The following RARB variants were observed in gnomAD, a reference collection of about 807,000 sequenced individuals.
RARB encodes retinoic acid receptor beta, also known as HBV-activated protein.
Under a neutral mutation model 51.9 loss-of-function variants are expected in RARB, and 17 were observed. That is an observed-to-expected ratio of 0.33 (90% CI 0.22 to 0.49). RARB has a LOEUF of 0.49. Among genes scored for constraint, RARB ranks in the 20% least tolerant of loss-of-function variants. The pLI, the probability that RARB is intolerant of heterozygous loss-of-function variation, is 0.99. For synonymous variants in RARB, 215 were observed against 195.4 expected (o/e 1.10, Z -0.84); for missense variants, 369 against 550.8 (o/e 0.67, Z 3.30).
At chr3:25,170,655 A>G (rs1469996685) in intron 4 of RARB, among the ~76,000 whole-genome samples, 2 of 152,260 alleles carry the variant, frequency 1.3e-5, no homozygotes, top group Non-Finnish European at 2.9e-5. Flanking sequence ...TAAACTTAAT[A>G]CAAAAATGAC....
intron 2 of RARB, among the ~76,000 whole-genome samples, chr3:25,487,176 G>A (rs979315858): frequency 1.3e-5 from 2 of 152,146 alleles, no homozygotes; most frequent in African/African-American, 4.8e-5. Flanking sequence ...AGTCGCGTTT[G>A]ACACAGTAAT....
At chr3:25,321,037 C>G (rs1205768451) in intron 5 of RARB, among the ~76,000 whole-genome samples, 1 of 152,210 alleles carries the variant, frequency 6.6e-6, no homozygotes, top group Non-Finnish European at 1.5e-5. Flanking sequence ...TTGGGTTTCC[C>G]TTTCGGAGCA....
chr3:24,925,473 T>C (rs905674945), intron 2 of RARB, among the ~76,000 whole-genome samples: 2 of 151,696 alleles, frequency 1.3e-5, no homozygotes, highest in African/African-American at 4.8e-5. Context: ...CAAAACCCTG[T>C]CTCTACAATA....
chr3:25,017,863 G>A (rs1178111496), intron 2 of RARB, among the ~76,000 whole-genome samples: 1 of 152,134 alleles, frequency 6.6e-6, no homozygotes, highest in Non-Finnish European at 1.5e-5. Context: ...GGTATTTGGA[G>A]GTGGGGCCTT....
chr3:25,195,491 T>C (rs752367039), intron 5 of RARB, among the ~76,000 whole-genome samples: 1 of 152,056 alleles, frequency 6.6e-6, no homozygotes, highest in Non-Finnish European at 1.5e-5. Flanking sequence ...AGATCCCTAA[T>C]ATATTCAACT....
chr3:25,290,682 A>G (rs76800056), intron 5 of RARB, among the ~76,000 whole-genome samples: 5,877 of 152,196 alleles, frequency 0.039, 157 homozygotes, highest in Middle Eastern at 0.071. Context: ...TGCTCATGCA[A>G]TTCACCTCCT....
intron 1 of RARB, among the ~76,000 whole-genome samples, chr3:25,459,292 T>C (rs1218964624): frequency 1.3e-5 from 2 of 152,182 alleles, no homozygotes; most frequent in Admixed American, 1.3e-4. Context: ...GACAAATAGT[T>C]ATCACAATAG....
At chr3:24,855,744 A>ATTTTTTTTTT (rs34706427) in intron 1 of RARB, among the ~76,000 whole-genome samples, 1 of 110,218 alleles carries the variant, frequency 9.1e-6, no homozygotes, top group African/African-American at 3.5e-5. Flanking sequence ...GGAAATCTGC[A>ATTTTTTTTTT]TTTTTTTTTT....
rs182295678 is a variant in RARB at position 24,916,225 on chromosome 3, A to T, written c.-380+57473A>T. Among the ~76,000 whole-genome samples, 329 of 152,264 alleles carry T rather than the reference A, an allele frequency of 2.2e-3. 2 individuals are homozygous for T. The highest frequency in any genetic ancestry group is 0.01 in the Middle Eastern group (3 of 294). ...CTCTTTATGATTTTGAGGGAAATAT[A>T]TATCATTTCCCTCCATTCTAGTCAT... On this transcript the variant is annotated intron_variant, in intron 2 of 11. Coordinates refer to the RARB transcript ENST00000383772.
intron 2 of RARB, among the ~76,000 whole-genome samples, chr3:24,945,049 G>A (rs1229707938): frequency 1.3e-5 from 2 of 152,162 alleles, no homozygotes; most frequent in African/African-American, 4.8e-5. Context: ...GGGGAACAGT[G>A]ACCTAGTTTT....
intron 5 of RARB, among the ~76,000 whole-genome samples, chr3:25,328,015 CA>C (rs1219991047): frequency 4.6e-5 from 7 of 152,150 alleles, no homozygotes; most frequent in Admixed American, 4.6e-4. Flanking sequence ...CACTATTTAA[CA>C]AAAACCTTAT....
intron 5 of RARB, among the ~76,000 whole-genome samples, chr3:25,370,375 G>A (rs560337395): frequency 2.0e-5 from 3 of 152,150 alleles, no homozygotes; most frequent in Non-Finnish European, 4.4e-5. Context: ...GGAAGTAACT[G>A]GTACCATAAG....
intron 5 of RARB, among the ~76,000 whole-genome samples, chr3:25,180,514 T>A (rs2125356938): frequency 6.6e-6 from 1 of 152,338 alleles, no homozygotes; most frequent in Admixed American, 6.5e-5. Context: ...ATAGGTTATA[T>A]TCAGATGGCC....
At chr3:25,002,758 GTGTA>G (rs900420909) in intron 2 of RARB, among the ~76,000 whole-genome samples, 11 of 125,230 alleles carry the variant, frequency 8.8e-5, no homozygotes, top group African/African-American at 2.6e-4. Context: ...CTGTGTGTGT[GTGTA>G]TATATATATA....
chr3:25,293,881 T>G (rs774137920), intron 5 of RARB, among the ~76,000 whole-genome samples: 10 of 152,184 alleles, frequency 6.6e-5, no homozygotes, highest in Non-Finnish European at 1.5e-4. Flanking sequence ...CCAAGAATGC[T>G]GGAGCTCAAT....
chr3:24,951,931 G>A (rs977756141), intron 2 of RARB, among the ~76,000 whole-genome samples: 10 of 152,134 alleles, frequency 6.6e-5, no homozygotes, highest in Non-Finnish European at 1.2e-4. Context: ...ATACACCCTT[G>A]CTCTAATTAT....
At chr3:25,212,523 C>T (rs1358865358) in intron 5 of RARB, among the ~76,000 whole-genome samples, 1 of 152,178 alleles carries the variant, frequency 6.6e-6, no homozygotes, top group Non-Finnish European at 1.5e-5. Flanking sequence ...GAGGCTGAGG[C>T]AGAAGGATCG....
At chr3:24,934,796 A>C (rs1456601144) in intron 2 of RARB, among the ~76,000 whole-genome samples, 1 of 152,084 alleles carries the variant, frequency 6.6e-6, no homozygotes, top group Non-Finnish European at 1.5e-5. Flanking sequence ...GCACTGGAAA[A>C]AGTTTTTGAG....
intron 5 of RARB, among the ~76,000 whole-genome samples, chr3:25,342,389 T>G (rs181481803): frequency 4.3e-4 from 66 of 152,346 alleles, no homozygotes; most frequent in Non-Finnish European, 8.5e-4. Context: ...GAACCAGGAT[T>G]GATCTTGTGG....
Sources: allele counts gnomAD v4.1 joint callset (sites outside exome capture counted in the v4.1 genomes callset), GRCh38; gene constraint gnomAD v4.1.1; transcripts MANE v1.5; gene names NCBI Gene and HGNC (gene_info 2026-07-23, HGNC 2026-07-21).